Variants in GALNTL6 observed in about 807,000 individuals in gnomAD.
GALNTL6 encodes the protein polypeptide N-acetylgalactosaminyltransferase-like 6.
In GALNTL6, 46 loss-of-function variants were observed where a neutral mutation model predicts 73.7. The observed-to-expected ratio is 0.62, with a 90% CI of 0.49 to 0.80. The LOEUF is 0.80. Among genes scored for constraint, GALNTL6 ranks in the 30% least tolerant of loss-of-function variants. The pLI is 0.00. For missense variants in GALNTL6, 604 were observed against 755.0 expected, an observed-to-expected ratio of 0.80 and a Z score of 2.34; for synonymous variants, 259 against 263.7, an observed-to-expected ratio of 0.98 and a Z score of 0.17.
chr4:172,725,615 T>G (rs1579399507), intron 5 of GALNTL6, among the ~76,000 whole-genome samples: 1 of 152,332 alleles, frequency 6.6e-6, no homozygotes, highest in East Asian at 1.9e-4. Context: ...TTGAAAATAT[T>G]GTCAAAAGTT....
chr4:172,797,937 A>G, intron 5 of GALNTL6, among the ~76,000 whole-genome samples: 1 of 151,288 alleles, frequency 6.6e-6, no homozygotes, highest in East Asian at 2.0e-4. Context: ...TTGATTTTTT[A>G]AATTACTTTG....
chr4:172,437,924 T>C (rs1731692783), intron 5 of GALNTL6, among the ~76,000 whole-genome samples: 1 of 148,476 alleles, frequency 6.7e-6, no homozygotes, highest in Non-Finnish European at 1.5e-5. Context: ...ACAGAAAGGG[T>C]GGCAGAGCAC....
rs977701127 is a variant in GALNTL6 at position 172,301,365 on chromosome 4, A to G, written c.248-10249A>G. Among the ~76,000 whole-genome samples, 3 of 152,066 alleles carry G rather than the reference A, an allele frequency of 2.0e-5. No individual in the cohort carries two copies. In the South Asian group the frequency reaches 6.2e-4, roughly 32 times the overall value. On this transcript the variant is annotated intron_variant, in intron 3 of 12. Coordinates refer to ENST00000506823, the MANE Select transcript of GALNTL6 (RefSeq NM_001034845.3). The stretch of plus-strand genomic sequence containing the variant: ...GATCGTCTGAAGCCTTCTTCTCTCA[A>G]CTCGTCAAAGTCATTTGCCGTCCAG...
chr4:172,432,126 T>C (rs1379218323), intron 5 of GALNTL6, among the ~76,000 whole-genome samples: 1 of 152,084 alleles, frequency 6.6e-6, no homozygotes, highest in Non-Finnish European at 1.5e-5. Context: ...TCACATATCA[T>C]AATAGAATTC....
chr4:172,851,932 G>T (rs1165442276), intron 7 of GALNTL6, among the ~76,000 whole-genome samples: 3 of 152,226 alleles, frequency 2.0e-5, no homozygotes, highest in East Asian at 1.9e-4. Flanking sequence ...GCAGCCAGCT[G>T]GTGGTAGAGA....
chr4:172,984,633 C>T (rs183408999), intron 10 of GALNTL6, among the ~76,000 whole-genome samples: 106 of 152,188 alleles, frequency 7.0e-4, no homozygotes, highest in Non-Finnish European at 9.6e-4. Context: ...GGGGCGAGGA[C>T]GGCAAAGCCT....
At chr4:172,142,751 A>G (rs1029036403) in intron 2 of GALNTL6, among the ~76,000 whole-genome samples, 19 of 151,940 alleles carry the variant, frequency 1.3e-4, no homozygotes, top group African/African-American at 3.9e-4. Flanking sequence ...GGCATTAGAG[A>G]ACAAAATAAA....
At chr4:172,711,511 A>G (rs1339880092) in intron 5 of GALNTL6, among the ~76,000 whole-genome samples, 2 of 152,118 alleles carry the variant, frequency 1.3e-5, no homozygotes, top group African/African-American at 2.4e-5. Flanking sequence ...GGGTGAATAT[A>G]AAATAAAGGG....
intron 7 of GALNTL6, among the ~76,000 whole-genome samples, chr4:172,868,585 T>C (rs973127736): frequency 3.9e-5 from 6 of 152,192 alleles, no homozygotes; most frequent in African/African-American, 1.4e-4. Flanking sequence ...CTAGGGCAAG[T>C]AGAAATGTAA....
intron 5 of GALNTL6, among the ~76,000 whole-genome samples, chr4:172,490,887 G>T (rs1034086982): frequency 4.6e-5 from 7 of 152,054 alleles, no homozygotes; most frequent in Admixed American, 4.6e-4. Flanking sequence ...TCGATAGCCC[G>T]TTCATTCATT....
intron 5 of GALNTL6, among the ~76,000 whole-genome samples, chr4:172,642,840 A>T (rs540470482): frequency 3.9e-5 from 6 of 151,912 alleles, no homozygotes; most frequent in Non-Finnish European, 7.4e-5. Flanking sequence ...TTCCATTTTT[A>T]TTTGTGAATT....
intron 2 of GALNTL6, among the ~76,000 whole-genome samples, chr4:172,202,078 G>A (rs897778575): frequency 3.3e-5 from 5 of 152,196 alleles, no homozygotes; most frequent in African/African-American, 9.7e-5. Context: ...TGAGGCATTA[G>A]TGAAAAATAT....
At chr4:172,997,393 A>G (rs919699362) in intron 10 of GALNTL6, among the ~76,000 whole-genome samples, 6 of 152,198 alleles carry the variant, frequency 3.9e-5, no homozygotes, top group African/African-American at 1.4e-4. Flanking sequence ...AACGTGAATG[A>G]AAACACAGCA....
chr4:172,259,339 G>A (rs139144658), intron 3 of GALNTL6, among the ~76,000 whole-genome samples: 8 of 151,258 alleles, frequency 5.3e-5, no homozygotes, highest in African/African-American at 1.7e-4. Context: ...GTTTTAATTT[G>A]CATTACCCTA....
intron 3 of GALNTL6, among the ~76,000 whole-genome samples, chr4:172,257,518 G>A (rs1220287148): frequency 6.6e-6 from 1 of 151,232 alleles, no homozygotes; most frequent in African/African-American, 2.4e-5. Context: ...TCTTTGATTT[G>A]TGCTCTAGCT....
chr4:172,707,522 T>C (rs1408863787), intron 5 of GALNTL6, among the ~76,000 whole-genome samples: 33 of 152,176 alleles, frequency 2.2e-4, no homozygotes, highest in Admixed American at 2.2e-3. Context: ...AAAAGAAAGG[T>C]ATTGCTTAAA....
intron 2 of GALNTL6, among the ~76,000 whole-genome samples, chr4:172,010,274 G>C (rs1740964302): frequency 6.6e-6 from 1 of 151,874 alleles, no homozygotes; most frequent in African/African-American, 2.4e-5. Flanking sequence ...TACAACATTA[G>C]TAATATTTTC....
chr4:172,130,315 A>T (rs1260045493), intron 2 of GALNTL6, among the ~76,000 whole-genome samples: 1 of 151,554 alleles, frequency 6.6e-6, no homozygotes, highest in Non-Finnish European at 1.5e-5. Flanking sequence ...TTATAATTTA[A>T]GTTTAATATA....
intron 5 of GALNTL6, among the ~76,000 whole-genome samples, chr4:172,428,035 CT>C (rs1257254140): frequency 6.6e-6 from 1 of 152,042 alleles, no homozygotes; most frequent in Non-Finnish European, 1.5e-5. Context: ...TTGGCAAAGA[CT>C]TATTAAAGAA....
Sources: allele counts gnomAD v4.1 joint callset (sites outside exome capture counted in the v4.1 genomes callset), GRCh38; gene constraint gnomAD v4.1.1; transcripts MANE v1.5; gene names NCBI Gene and HGNC (gene_info 2026-07-23, HGNC 2026-07-21).